The following UTS2B variants were observed in gnomAD, a reference collection of about 807,000 sequenced individuals.
UTS2B encodes the protein urotensin 2B.
In UTS2B, 21 loss-of-function variants were observed where a neutral mutation model predicts 19.2. That is an observed-to-expected ratio of 1.09 (90% CI 0.78 to 1.58). UTS2B has a LOEUF of 1.58. UTS2B is among the 40% of genes most tolerant of loss of function. The pLI is 0.00. For synonymous variants in UTS2B, 57 were observed against 50.2 expected (o/e 1.14, Z -0.58); for missense variants, 138 against 130.3 (o/e 1.06, Z -0.29).
chr3:191,289,487 A>C (rs550289930), intron 4 of UTS2B, among the ~76,000 whole-genome samples: 9 of 152,024 alleles, frequency 5.9e-5, no homozygotes, highest in African/African-American at 1.9e-4. Flanking sequence ...GCTCTAACAT[A>C]TTCATCACGG....
intron 1 of UTS2B, chr3:191,329,849 G>T (rs1205481362): frequency 2.3e-6 from 2 of 856,460 alleles, no homozygotes; most frequent in Non-Finnish European, 1.7e-6. Flanking sequence ...CGTTGGCCTT[G>T]CCCGGACGTG....
At chr3:191,318,970 T>G (rs1326335045) in intron 2 of UTS2B, among the ~76,000 whole-genome samples, 1 of 152,124 alleles carries the variant, frequency 6.6e-6, no homozygotes, top group East Asian at 1.9e-4. Flanking sequence ...AAACTTTTAT[T>G]TTATATAGTC....
At chr3:191,337,711 G>A in the UTS2B span, among the ~76,000 whole-genome samples, 2 of 152,142 alleles carry the variant, frequency 1.3e-5, no homozygotes, top group Non-Finnish European at 2.9e-5. Context: ...TCAAATGTAG[G>A]TAGAAATCTT....
Position 191,278,189 on chromosome 3 carries a change from A to T in UTS2B, c.104-19T>A. 7.4e-7 allele frequency: 1 copy of T among 1,358,332 alleles called. No homozygotes were observed. The allele number at this position is 1,358,332 out of a possible 1,614,324, so 84.1% of individuals were successfully genotyped here. A position where few individuals can be genotyped will look rare whatever the true frequency, so the allele number is the denominator to read the frequency against. Reference sequence around the variant, plus strand: ...TCATTTCCTATAATGATCAAAAACCACCATTTTCAATTTGAGTCACCGAAA... The same window carrying T: ...TCATTTCCTATAATGATCAAAAACCTCCATTTTCAATTTGAGTCACCGAAA... On this transcript the variant is annotated intron_variant, in intron 5 of 8. Coordinates refer to ENST00000340524, the MANE Select transcript of UTS2B (RefSeq NM_198152.5).
intron 8 of UTS2B, chr3:191,273,478 A>T (rs1158803178): frequency 2.2e-6 from 1 of 456,582 alleles, no homozygotes; most frequent in East Asian, 6.9e-5. Context: ...AACTGAGGCA[A>T]TTGAAAGCTG....
the UTS2B span, among the ~76,000 whole-genome samples, chr3:191,341,705 A>G: frequency 6.6e-6 from 1 of 152,206 alleles, no homozygotes; most frequent in African/African-American, 2.4e-5. Context: ...CAATAAGGTG[A>G]ATATAAATTT....
chr3:191,280,333 C>T (rs1305772975), intron 5 of UTS2B, among the ~76,000 whole-genome samples: 1 of 152,138 alleles, frequency 6.6e-6, no homozygotes, highest in African/African-American at 2.4e-5. Context: ...TATATGGTCC[C>T]TACCAGATGT....
At chr3:191,334,741 T>A (rs1019828982), upstream of UTS2B, among the ~76,000 whole-genome samples, 3 of 152,170 alleles carry the variant, frequency 2.0e-5, no homozygotes, top group African/African-American at 7.2e-5. Flanking sequence ...GTTCTGTAGA[T>A]GCGAAAGATT....
chr3:191,333,215 T>C (rs1386701877), upstream of UTS2B, among the ~76,000 whole-genome samples: 1 of 152,210 alleles, frequency 6.6e-6, no homozygotes, highest in African/African-American at 2.4e-5. Context: ...CAAATCCTTT[T>C]TCTTTAGTGA....
At chr3:191,310,615 A>G (rs58471966) in intron 3 of UTS2B, among the ~76,000 whole-genome samples, 9,431 of 152,200 alleles carry the variant, frequency 0.062, 968 homozygotes, top group African/African-American at 0.21. Flanking sequence ...CTAACCCAAG[A>G]ATCTCATGTT....
At chr3:191,327,270 C>A (rs376004124) in intron 2 of UTS2B, among the ~76,000 whole-genome samples, 5 of 152,054 alleles carry the variant, frequency 3.3e-5, no homozygotes, top group Non-Finnish European at 1.5e-5. Context: ...CCGAGGTGGG[C>A]GGATCACTTG....
chr3:191,344,754 A>T, the UTS2B span, among the ~76,000 whole-genome samples: 2 of 151,942 alleles, frequency 1.3e-5, no homozygotes, highest in Non-Finnish European at 2.9e-5. Flanking sequence ...AATTTTTTGT[A>T]TTTTTGTGGA....
At chr3:191,275,150 C>T (rs1716195461) in intron 8 of UTS2B, 102 bp downstream of exon 8, 2 of 831,282 alleles carry the variant, frequency 2.4e-6, no homozygotes, top group Admixed American at 2.2e-5. Context: ...TTGGTCACCA[C>T]CATAAGATTA....
chr3:191,270,032 A>G (rs565520919), intron 8 of UTS2B, among the ~76,000 whole-genome samples: 1 of 152,388 alleles, frequency 6.6e-6, no homozygotes, highest in African/African-American at 2.4e-5. Context: ...TTGGACAGCT[A>G]TATTTGTAGC....
Position 191,282,165 on chromosome 3 carries a change from C to T in UTS2B, c.25G>A (p.Val9Ile), listed in dbSNP as rs761162629. The T allele has an allele frequency of 1.9e-6, 3 of 1,613,068 alleles. 1 individual carries two copies. The highest frequency in any genetic ancestry group is 2.5e-6 in the Non-Finnish European group (3 of 1,179,484). Residue 9 changes from valine to isoleucine, a missense_variant, in exon 5 of 9, where the codon GTT becomes ATT. Transcript: ENST00000340524. ...AACAAAGTTAGGAGTCCAAAGCAAA[C>T]AGTGCTTGAGAGGATCTTGTTCATG... MNKILSST[V>I]CFGLLTLLSV...
chr3:191,290,751 A>G lies in UTS2B; in HGVS notation c.-124-8438T>C, dbSNP rs1716690772. Among the ~76,000 whole-genome samples the G allele has an allele frequency of 1.3e-5, 2 of 152,224 alleles. 1 individual carries two copies. Among genetic ancestry groups the G allele is most frequent in the South Asian group, 4.1e-4 (2 of 4,834 alleles). ...CCATTTTGTCAATGAAGGCTTCGTC[A>G]AGTTATAATTTACAGGGAACAGATA... On this transcript the variant is annotated intron_variant, in intron 4 of 8. Transcript: ENST00000340524.
chr3:191,296,985 A>G (rs780033717), intron 4 of UTS2B, among the ~76,000 whole-genome samples: 26 of 152,246 alleles, frequency 1.7e-4, no homozygotes, highest in Non-Finnish European at 3.8e-4. Flanking sequence ...TTCATAGAAC[A>G]GGCAATAAAC....
At chr3:191,310,695 C>T (rs1452653035) in intron 3 of UTS2B, among the ~76,000 whole-genome samples, 1 of 151,564 alleles carries the variant, frequency 6.6e-6, no homozygotes, top group African/African-American at 2.4e-5. Context: ...ATCTCAGACC[C>T]TTCATAGTTC....
At chr3:191,311,677 G>A (rs894064188) in intron 3 of UTS2B, among the ~76,000 whole-genome samples, 5 of 152,208 alleles carry the variant, frequency 3.3e-5, no homozygotes, top group African/African-American at 1.2e-4. Context: ...CTACCACTGA[G>A]CTTCTCAATG....
Sources: gnomAD v4.1 joint callset for allele counts (sites outside exome capture counted in the v4.1 genomes callset) on GRCh38, gnomAD v4.1.1 for gene constraint, MANE v1.5 for transcripts, NCBI Gene and HGNC (gene_info 2026-07-23, HGNC 2026-07-21) for gene names.